Variants in ELOVL5 observed in about 807,000 individuals in gnomAD.
ELOVL5 encodes the protein ELOVL fatty acid elongase 5, also known as very long chain fatty acid elongase 5.
In ELOVL5, 8 loss-of-function variants were observed where a neutral mutation model predicts 38.6. That is an observed-to-expected ratio of 0.21 (90% CI 0.12 to 0.37). ELOVL5 has a LOEUF of 0.37. Ranked by LOEUF, ELOVL5 falls within the 10% of genes least tolerant of loss-of-function variation. ELOVL5 has a pLI of 1.00. For missense variants in ELOVL5, 280 were observed against 367.8 expected (o/e 0.76, Z 1.95); for synonymous variants, 127 against 133.7 (o/e 0.95, Z 0.34).
chr6:53,276,097 A>G (rs976656851), intron 4 of ELOVL5, 82 bp downstream of exon 4: 12 of 922,028 alleles, frequency 1.3e-5, no homozygotes, highest in Non-Finnish European at 1.9e-5. Context: ...CAGTGAGGTT[A>G]TGGGCCATTT....
chr6:53,289,698 C>T (rs1003012566), intron 3 of ELOVL5, among the ~76,000 whole-genome samples: 29 of 152,228 alleles, frequency 1.9e-4, no homozygotes, highest in South Asian at 4.1e-4. Flanking sequence ...CCAGCCTGGG[C>T]GACAAGAGTG....
At chr6:53,294,085 C>T in intron 2 of ELOVL5, 3 of 1,361,558 alleles carry the variant, frequency 2.2e-6, no homozygotes, top group Non-Finnish European at 2.9e-6. Context: ...ACAAATCTCC[C>T]TATTTTAACT....
chr6:53,340,078 G>T (rs1769263469), intron 1 of ELOVL5, among the ~76,000 whole-genome samples: 1 of 152,032 alleles, frequency 6.6e-6, no homozygotes, highest in African/African-American at 2.4e-5. Flanking sequence ...AAAAAAGCTT[G>T]AAGAATAAGG....
rs1446551871 is a variant in ELOVL5, at chr6:53,269,264, T to C, written c.763A>G (p.Asn255Asp). The C allele has an allele frequency of 1.2e-6, 2 of 1,609,934 alleles. No homozygotes were observed. Among genetic ancestry groups the C allele is most frequent in the Non-Finnish European group, 1.7e-6 (2 of 1,178,408 alleles). The change falls in exon 8 of 8, where the codon AAC (asparagine) becomes GAC (aspartate). Residue 255 changes from asparagine (N) to aspartate (D), a missense_variant. Asn to Asp is a conservative substitution (Grantham distance 23). Transcript: ENST00000304434. Reference sequence around the variant, plus strand: ...TTCCTTCGGGAGGCCCCTTTCTTGTTGTAGGTCTAAAATGTGTAAGGGCAG... The same window carrying C: ...TTCCTTCGGGAGGCCCCTTTCTTGTCGTAGGTCTAAAATGTGTAAGGGCAG... ...LFTNFYIQTY[N>D]KKGASRRKDH...
At chr6:53,348,296 C>T (rs542440145) in intron 1 of ELOVL5, among the ~76,000 whole-genome samples, 1 of 152,140 alleles carries the variant, frequency 6.6e-6, no homozygotes, top group Non-Finnish European at 1.5e-5. Context: ...GCCGGAGAGT[C>T]CCCCCAGCGG....
intron 1 of ELOVL5, among the ~76,000 whole-genome samples, chr6:53,327,766 G>A (rs1317585781): frequency 2.0e-5 from 3 of 151,848 alleles, no homozygotes; most frequent in East Asian, 1.9e-4. Flanking sequence ...TCTTTCCATC[G>A]TTCTGCTTAT....
intron 1 of ELOVL5, among the ~76,000 whole-genome samples, chr6:53,297,013 G>A (rs938443324): frequency 2.0e-5 from 3 of 152,202 alleles, no homozygotes; most frequent in South Asian, 2.1e-4. Context: ...GAGATGGGAC[G>A]TAGAGATAGG....
intron 1 of ELOVL5, among the ~76,000 whole-genome samples, chr6:53,308,597 T>G (rs909860953): frequency 1.3e-5 from 2 of 152,174 alleles, no homozygotes; most frequent in Non-Finnish European, 2.9e-5. Flanking sequence ...AAATTCTAAT[T>G]CAATAGATGC....
intron 1 of ELOVL5, among the ~76,000 whole-genome samples, chr6:53,347,825 G>A (rs1477737307): frequency 1.3e-5 from 2 of 152,094 alleles, no homozygotes; most frequent in African/African-American, 4.8e-5. Flanking sequence ...TGGGGCGGGG[G>A]GAACCGCCAA....
chr6:53,330,555 A>G (rs1013547266), intron 1 of ELOVL5, among the ~76,000 whole-genome samples: 1 of 81,756 alleles, frequency 1.2e-5, no homozygotes, highest in Non-Finnish European at 2.3e-5. Context: ...GACAGAGTCT[A>G]TGTTGCCCAG....
rs375139561 is a variant in ELOVL5, at chr6:53,342,621, T to A, written c.-9+6196A>T. ...GCCTACCTAATATAACCATAAAGAT[T>A]ACAGTTTAAAATCACAGGTATATTT... On this transcript the variant is annotated intron_variant, in intron 1 of 7. Coordinates refer to ENST00000304434, the MANE Select transcript of ELOVL5 (RefSeq NM_021814.5). Among the ~76,000 whole-genome samples, 23 of 152,314 alleles carry A rather than the reference T, an allele frequency of 1.5e-4. No homozygotes were observed. In the South Asian group the frequency reaches 4.8e-3, roughly 32 times the overall value.
chr6:53,292,878 CTG>C (rs1379757876), intron 2 of ELOVL5, among the ~76,000 whole-genome samples: 2 of 152,178 alleles, frequency 1.3e-5, no homozygotes, highest in African/African-American at 2.4e-5. Context: ...ATTTAACAAA[CTG>C]AGGAGTAGTA....
chr6:53,292,366 C>T (rs568784480), intron 2 of ELOVL5, among the ~76,000 whole-genome samples: 14 of 152,358 alleles, frequency 9.2e-5, no homozygotes, highest in South Asian at 4.1e-4. Flanking sequence ...GTGTGTCAGT[C>T]GGCAAGTGTG....
At position 53,278,059 on chromosome 6, in the gene ELOVL5, C is replaced by T. The variant is rs1766208532; in HGVS notation, c.247-1803G>A. ...AAGATCCTCTTTTTTAAAACAGCAG[C>T]CTCTCTTGGCAAAATTAAAAACGTA... On this transcript the variant is annotated intron_variant, in intron 3 of 7. Coordinates refer to ENST00000304434, the MANE Select transcript of ELOVL5 (RefSeq NM_021814.5). 4.6e-5 allele frequency among the ~76,000 whole-genome samples: 7 copies of T among 152,292 alleles called. 1 individual carries two copies. In the South Asian group the frequency reaches 1.5e-3, roughly 32 times the overall value.
chr6:53,326,850 C>A (rs950696792), intron 1 of ELOVL5, among the ~76,000 whole-genome samples: 2 of 152,130 alleles, frequency 1.3e-5, no homozygotes, highest in African/African-American at 4.8e-5. Flanking sequence ...TTTCCCTCAC[C>A]ATGCTTCCAG....
At chr6:53,323,876 A>G (rs1302496343) in intron 1 of ELOVL5, among the ~76,000 whole-genome samples, 3 of 152,170 alleles carry the variant, frequency 2.0e-5, no homozygotes, top group Admixed American at 2.0e-4. Context: ...ACCCGGCCCA[A>G]TATTAGTCAG....
intron 3 of ELOVL5, among the ~76,000 whole-genome samples, chr6:53,281,278 G>C (rs1766342188): frequency 6.6e-6 from 1 of 152,200 alleles, no homozygotes; most frequent in South Asian, 2.1e-4. Flanking sequence ...CAGGACCTAA[G>C]GTGCTTTTCT....
At chr6:53,348,639 G>A (rs1388199679) in intron 1 of ELOVL5, among the ~76,000 whole-genome samples, 178 bp downstream of exon 1, 1 of 152,200 alleles carries the variant, frequency 6.6e-6, no homozygotes, top group Non-Finnish European at 1.5e-5. Context: ...GCTGTACCCC[G>A]GAGCCGGCGG....
chr6:53,312,414 A>AT (rs1767881312), intron 1 of ELOVL5, among the ~76,000 whole-genome samples: 1 of 152,236 alleles, frequency 6.6e-6, no homozygotes, highest in Admixed American at 6.5e-5. Flanking sequence ...TCTCTAAAGA[A>AT]TTAAGCTAAG....
Sources: gnomAD v4.1 joint callset for allele counts (sites outside exome capture counted in the v4.1 genomes callset) on GRCh38, gnomAD v4.1.1 for gene constraint, MANE v1.5 for transcripts, NCBI Gene and HGNC (gene_info 2026-07-23, HGNC 2026-07-21) for gene names.